The following ECE1 variants were observed in gnomAD, a reference collection of about 807,000 sequenced individuals.
ECE1 encodes endothelin-converting enzyme 1.
A neutral mutation model predicts 98.6 loss-of-function variants in ECE1; 35 were observed. The observed-to-expected ratio is 0.35, with a 90% CI of 0.27 to 0.47. The LOEUF (loss-of-function observed/expected upper bound fraction) is 0.47. Among genes scored for constraint, ECE1 ranks in the 20% least tolerant of loss-of-function variants. ECE1 has a pLI of 1.00. For missense variants in ECE1, 814 were observed against 1,025.3 expected, an observed-to-expected ratio of 0.79 and a Z score of 2.81; for synonymous variants, 394 against 407.1, an observed-to-expected ratio of 0.97 and a Z score of 0.39.
rs191566198 is a variant in ECE1 at position 21,237,402 on chromosome 1, C to T, written c.1390-558G>A. ...AGGGGAAGGCAGAGCTGTGCGGCAA[C>T]AAGAGCAGAGGGGCCAGCAGACCCC... is the stretch of plus-strand genomic sequence containing the variant. On this transcript the variant is annotated intron_variant, in intron 11 of 18. Coordinates refer to ENST00000374893, the MANE Select transcript of ECE1 (RefSeq NM_001397.3). Among the ~76,000 whole-genome samples the T allele has an allele frequency of 8.3e-4, 126 of 152,248 alleles. 1 individual carries two copies. The highest frequency in any genetic ancestry group is 1.2e-3 in the Non-Finnish European group (79 of 68,004).
intron 1 of ECE1, among the ~76,000 whole-genome samples, chr1:21,317,211 T>C (rs1638848321): frequency 6.6e-6 from 1 of 152,204 alleles, no homozygotes; most frequent in South Asian, 2.1e-4. Flanking sequence ...CAGACAGACT[T>C]GGGCTTCGAG....
chr1:21,231,720 C>A (rs1477678814), intron 14 of ECE1, among the ~76,000 whole-genome samples: 3 of 152,080 alleles, frequency 2.0e-5, no homozygotes, highest in Admixed American at 2.0e-4. Context: ...AGTGGTACAA[C>A]TGTAGCTCAC....
intron 14 of ECE1, among the ~76,000 whole-genome samples, chr1:21,229,179 G>T (rs1277968715): frequency 2.0e-5 from 3 of 151,702 alleles, no homozygotes; most frequent in African/African-American, 7.3e-5. Flanking sequence ...CTGAATACAA[G>T]ACTTTTTTTT....
intron 4 of ECE1, among the ~76,000 whole-genome samples, chr1:21,268,688 C>G (rs212546): frequency 6.6e-6 from 1 of 152,166 alleles, no homozygotes; most frequent in East Asian, 1.9e-4. Context: ...GGCCTGGGCA[C>G]CTCCGGCTTG....
chr1:21,331,128 C>T (rs1324802112), intron 1 of ECE1, among the ~76,000 whole-genome samples: 2 of 152,088 alleles, frequency 1.3e-5, no homozygotes, highest in African/African-American at 4.8e-5. Context: ...TTAGGCCAGG[C>T]ACGGTGGCTC....
At chr1:21,297,477 T>C (rs1638385258) in intron 1 of ECE1, among the ~76,000 whole-genome samples, 1 of 151,964 alleles carries the variant, frequency 6.6e-6, no homozygotes, top group South Asian at 2.1e-4. Context: ...TGTAGCTCCC[T>C]TTAGTCTTTC....
At chr1:21,227,756 T>C (rs1298869741) in intron 15 of ECE1, among the ~76,000 whole-genome samples, 175 bp downstream of exon 15, 2 of 152,128 alleles carry the variant, frequency 1.3e-5, no homozygotes, top group Non-Finnish European at 1.5e-5. Flanking sequence ...GGCTTCCAGA[T>C]CTCACTGGAG....
chr1:21,341,986 C>A (rs1639408392), intron 1 of ECE1, among the ~76,000 whole-genome samples: 1 of 152,066 alleles, frequency 6.6e-6, no homozygotes, highest in African/African-American at 2.4e-5. Flanking sequence ...TACATTGTAC[C>A]CTCACAATAT....
chr1:21,246,016 G>C lies in ECE1; in HGVS notation c.1164-913C>G, dbSNP rs28368000. Among the ~76,000 whole-genome samples the C allele has an allele frequency of 6.4e-3, 978 of 152,088 alleles. 10 individuals carry two copies. Among genetic ancestry groups the C allele is most frequent in the African/African-American group, 0.023 (934 of 41,470 alleles). On this transcript the variant is annotated intron_variant, in intron 9 of 18. Transcript: ENST00000374893. ...GAGGTGGCTCACACCTGTAATCTTA[G>C]CATTTTGAGAGGCCAAGGTGGGAGG...
In ECE1 at chr1:21,220,639, A is replaced by G. The variant is rs1243178851; in HGVS notation, c.2137-508T>C. ...TGGTGAAACCCTGTCTCTACTAAAA[A>G]TACAAAAATTAGATGGGCGTGGTGG... is the stretch of plus-strand genomic sequence containing the variant. On this transcript the variant is annotated intron_variant, in intron 18 of 18. Transcript: ENST00000374893. This position sits in a 1 kb window ranked among gnomAD's most constrained non-coding sequence, Gnocchi z 5.0. 2.6e-5 allele frequency among the ~76,000 whole-genome samples: 4 copies of G among 152,124 alleles called. No homozygotes were observed. In the South Asian group the frequency reaches 6.2e-4, roughly 24 times the overall value.
At chr1:21,229,009 TTTTTTGTA>T (rs1200639910) in intron 14 of ECE1, among the ~76,000 whole-genome samples, 1 of 151,408 alleles carries the variant, frequency 6.6e-6, no homozygotes, top group African/African-American at 2.4e-5. Context: ...GCCCGGCTGA[TTTTTTGTA>T]TTTTTAGTAG....
intron 1 of ECE1, among the ~76,000 whole-genome samples, chr1:21,312,544 G>A (rs1358780123): frequency 6.6e-6 from 1 of 152,188 alleles, no homozygotes; most frequent in African/African-American, 2.4e-5. Context: ...TGAGCTCAGG[G>A]AGGTCAAGGT....
At chr1:21,242,905 A>G (rs1359388979) in intron 10 of ECE1, among the ~76,000 whole-genome samples, 1 of 152,228 alleles carries the variant, frequency 6.6e-6, no homozygotes, top group African/African-American at 2.4e-5. Flanking sequence ...CTCAGCCTCC[A>G]GGGTAGCTGG....
intron 17 of ECE1, among the ~76,000 whole-genome samples, chr1:21,224,398 G>A (rs766020371): frequency 2.6e-5 from 4 of 152,164 alleles, no homozygotes; most frequent in Non-Finnish European, 4.4e-5. Flanking sequence ...AGAGCAGGAT[G>A]AGCTTCAAAC....
At chr1:21,320,218 C>A (rs1638932048) in intron 1 of ECE1, among the ~76,000 whole-genome samples, 1 of 152,174 alleles carries the variant, frequency 6.6e-6, no homozygotes, top group Non-Finnish European at 1.5e-5. Flanking sequence ...GAGACACTAA[C>A]CCCGCCCACG....
chr1:21,261,037 G>A (rs1221185937), intron 4 of ECE1, among the ~76,000 whole-genome samples: 7 of 152,268 alleles, frequency 4.6e-5, no homozygotes, highest in African/African-American at 1.4e-4. Flanking sequence ...TCAGTGCCCT[G>A]GTCCAGATGC....
chr1:21,335,785 G>T (rs1172591386), intron 1 of ECE1, among the ~76,000 whole-genome samples: 1 of 152,226 alleles, frequency 6.6e-6, no homozygotes, highest in Admixed American at 6.5e-5. Flanking sequence ...AGGAGCAAAG[G>T]CTCCCAAATG....
chr1:21,335,439 C>G (rs565787138), intron 1 of ECE1, among the ~76,000 whole-genome samples: 26 of 152,322 alleles, frequency 1.7e-4, no homozygotes, highest in Non-Finnish European at 3.1e-4. Context: ...CACAATGAGG[C>G]AGGGCCTCCT....
intron 1 of ECE1, among the ~76,000 whole-genome samples, chr1:21,301,463 C>T (rs1297442542): frequency 1.3e-5 from 2 of 151,984 alleles, no homozygotes; most frequent in African/African-American, 4.8e-5. Context: ...CCACTGCACT[C>T]CAGCCTGGGC....
Sources: allele counts gnomAD v4.1 joint callset (sites outside exome capture counted in the v4.1 genomes callset), GRCh38; gene constraint gnomAD v4.1.1; non-coding constraint Gnocchi (gnomAD v3.1); transcripts MANE v1.5; gene names NCBI Gene and HGNC (gene_info 2026-07-23, HGNC 2026-07-21).